Variants in NKAIN2 observed in about 807,000 individuals in gnomAD.
The protein encoded by NKAIN2 is sodium/potassium-transporting ATPase subunit beta-1-interacting protein 2.
Under a neutral mutation model 32.6 loss-of-function variants are expected in NKAIN2, and 14 were observed. The observed-to-expected ratio is 0.43, with a 90% confidence interval of 0.28 to 0.67. The LOEUF is 0.67. Ranked by LOEUF, NKAIN2 falls within the 30% of genes least tolerant of loss-of-function variation. The probability of loss-of-function intolerance (pLI) is 0.17; values close to 1 mark genes in which losing one functional copy is unlikely to be tolerated. For missense variants in NKAIN2, 198 were observed against 258.3 expected (o/e 0.77, Z 1.60); for synonymous variants, 80 against 87.2 (o/e 0.92, Z 0.46).
chr6:123,811,644 G>A (rs189878393), intron 1 of NKAIN2, among the ~76,000 whole-genome samples: 17 of 152,100 alleles, frequency 1.1e-4, no homozygotes, highest in Non-Finnish European at 2.1e-4. Flanking sequence ...CTATAGAATA[G>A]GAGTATCTAG....
At position 124,817,686 on chromosome 6, in the gene NKAIN2, T is replaced by C. The variant is rs111953092; in HGVS notation, c.536-701T>C. Among the ~76,000 whole-genome samples the C allele has an allele frequency of 1.9e-3, 287 of 152,312 alleles. 1 individual carries two copies. The highest frequency in any genetic ancestry group is 2.5e-3 in the Non-Finnish European group (167 of 68,018). ...GTATGGGAGGAAGGTCAAAGTCACA[T>C]TGTAAAAACATATAAAATAGGAGAT... On this transcript the variant is annotated intron_variant, in intron 5 of 6. Coordinates refer to ENST00000368417, the MANE Select transcript of NKAIN2 (RefSeq NM_001040214.3).
chr6:124,272,416 C>T (rs1794834736), intron 1 of NKAIN2, among the ~76,000 whole-genome samples: 1 of 152,194 alleles, frequency 6.6e-6, no homozygotes, highest in South Asian at 2.1e-4. Flanking sequence ...GCTTTGGTGG[C>T]TTCCACATGG....
Position 124,362,848 on chromosome 6 carries a change from T to A in NKAIN2, c.273+7501T>A, listed in dbSNP as rs186664531. ...GAAAAAGAATTTTATTATTATTATT[T>A]TTTTGAGATAGAGTCCCACTCTGTC... On this transcript the variant is annotated intron_variant, in intron 3 of 6. Transcript: ENST00000368417. Among the ~76,000 whole-genome samples the A allele has an allele frequency of 1.9e-3, 293 of 152,276 alleles. 1 individual carries two copies. Among genetic ancestry groups the A allele is most frequent in the African/African-American group, 6.6e-3 (276 of 41,568 alleles).
intron 3 of NKAIN2, among the ~76,000 whole-genome samples, chr6:124,631,404 G>T (rs1012472537): frequency 1.3e-5 from 2 of 152,078 alleles, no homozygotes; most frequent in Non-Finnish European, 2.9e-5. Context: ...ACATTTTCCT[G>T]TCTATTTAAG....
At position 124,416,761 on chromosome 6, in the gene NKAIN2, A is replaced by G. The variant is rs369830095; in HGVS notation, c.273+61414A>G. ...TCTCCTGCCCCTGTGTGAATAGGGG[A>G]ACATGGGGAGCAGTAATGGGGTACT... On this transcript the variant is annotated intron_variant, in intron 3 of 6. Coordinates refer to ENST00000368417, the MANE Select transcript of NKAIN2 (RefSeq NM_001040214.3). 1.4e-4 allele frequency among the ~76,000 whole-genome samples: 21 copies of G among 152,206 alleles called. No homozygotes were observed. The South Asian group carries it at 4.4e-3, about 32-fold the overall frequency.
At chr6:124,105,041 A>G (rs1246138178) in intron 1 of NKAIN2, among the ~76,000 whole-genome samples, 1 of 152,192 alleles carries the variant, frequency 6.6e-6, no homozygotes, top group African/African-American at 2.4e-5. Flanking sequence ...GTACTGTGAA[A>G]AAAGCAAGAT....
rs1416700840 is a variant in NKAIN2, at chr6:124,670,643, TTCTGTG to T, written c.474+12259_474+12264del. ...CATTTACCTGAGATTAATCTTTGCTTTCTGTGTGTGTGTGTGTGTGTGTGTGTGTGT... is the reference window on the plus strand; with the variant it reads ...CATTTACCTGAGATTAATCTTTGCTTTGTGTGTGTGTGTGTGTGTGTGTGT... On this transcript the variant is annotated intron_variant, in intron 4 of 6. Transcript: ENST00000368417. Among the ~76,000 whole-genome samples the T allele has an allele frequency of 1.1e-3, 112 of 102,210 alleles. No individual in the cohort carries two copies. The East Asian group carries it at 0.012, about 11-fold the overall frequency. The allele number at this position is 102,210 out of a possible 152,430, so 67.1% of individuals were successfully genotyped here.
intron 3 of NKAIN2, among the ~76,000 whole-genome samples, chr6:124,500,366 T>A (rs1778238265): frequency 6.6e-6 from 1 of 151,894 alleles, no homozygotes; most frequent in South Asian, 2.1e-4. Flanking sequence ...TGGGAAGATA[T>A]GGCCAGGTGC....
intron 1 of NKAIN2, among the ~76,000 whole-genome samples, chr6:123,852,563 T>G (rs947066635): frequency 6.6e-6 from 1 of 152,188 alleles, no homozygotes; most frequent in Non-Finnish European, 1.5e-5. Context: ...CAGTCCTGTG[T>G]TCATTGCAGC....
intron 1 of NKAIN2, among the ~76,000 whole-genome samples, chr6:124,131,766 G>A (rs1786490918): frequency 6.6e-6 from 1 of 152,176 alleles, no homozygotes; most frequent in Admixed American, 6.5e-5. Context: ...CCCTGACTAT[G>A]TCTCACAGGG....
chr6:124,528,306 C>T (rs1372191106), intron 3 of NKAIN2, among the ~76,000 whole-genome samples: 2 of 152,204 alleles, frequency 1.3e-5, no homozygotes, highest in Non-Finnish European at 1.5e-5. Flanking sequence ...AACTTCAGCA[C>T]TTTGTTTTGC....
At chr6:124,565,869 A>G (rs968971448) in intron 3 of NKAIN2, among the ~76,000 whole-genome samples, 1 of 152,204 alleles carries the variant, frequency 6.6e-6, no homozygotes, top group Non-Finnish European at 1.5e-5. Flanking sequence ...GTTTTAGCCA[A>G]TCTTGAATAC....
intron 1 of NKAIN2, chr6:124,121,942 G>T: frequency 8.4e-7 from 1 of 1,193,682 alleles, no homozygotes; most frequent in Non-Finnish European, 1.1e-6. Flanking sequence ...TATCTTAACC[G>T]TGAGTTTTTC....
intron 4 of NKAIN2, among the ~76,000 whole-genome samples, chr6:124,712,829 C>T (rs1345020562): frequency 6.6e-6 from 1 of 151,922 alleles, no homozygotes; most frequent in Non-Finnish European, 1.5e-5. Flanking sequence ...GGCTCCTCCC[C>T]CTAAACTCTA....
chr6:124,128,249 C>T (rs1311412536), intron 1 of NKAIN2, among the ~76,000 whole-genome samples: 1 of 152,146 alleles, frequency 6.6e-6, no homozygotes, highest in Admixed American at 6.5e-5. Context: ...AAATCTCATA[C>T]CTGCATTATG....
In NKAIN2 at chr6:124,000,693, A is replaced by G. The variant is rs375982455; in HGVS notation, c.54+196439A>G. Among the ~76,000 whole-genome samples, 296 of 152,178 alleles carry G rather than the reference A, an allele frequency of 1.9e-3. 1 individual carries two copies. Among genetic ancestry groups the G allele is most frequent in the African/African-American group, 7.0e-3 (292 of 41,536 alleles). ...CCTTTAAATGTAAGGGTAGCTAGAGAGCATGTTACTCTCACTAGGTAATGG... is the reference window on the plus strand; with the variant it reads ...CCTTTAAATGTAAGGGTAGCTAGAGGGCATGTTACTCTCACTAGGTAATGG... On this transcript the variant is annotated intron_variant, in intron 1 of 6. Transcript: ENST00000368417.
At chr6:124,095,124 T>C (rs1346912060) in intron 1 of NKAIN2, among the ~76,000 whole-genome samples, 1 of 152,198 alleles carries the variant, frequency 6.6e-6, no homozygotes, top group Non-Finnish European at 1.5e-5. Context: ...GAAAAACTGC[T>C]GACCTATATG....
At chr6:124,389,844 C>A (rs552997013) in intron 3 of NKAIN2, among the ~76,000 whole-genome samples, 1 of 151,990 alleles carries the variant, frequency 6.6e-6, no homozygotes, top group Non-Finnish European at 1.5e-5. Flanking sequence ...AATTGCTGAA[C>A]AATGCACCCA....
At chr6:124,066,553 T>C (rs1246147243) in intron 1 of NKAIN2, among the ~76,000 whole-genome samples, 1 of 152,186 alleles carries the variant, frequency 6.6e-6, no homozygotes, top group East Asian at 1.9e-4. Flanking sequence ...ATATGCACAT[T>C]AGAATTAGAA....
Sources: allele counts gnomAD v4.1 joint callset (sites outside exome capture counted in the v4.1 genomes callset), GRCh38; gene constraint gnomAD v4.1.1; transcripts MANE v1.5; gene names NCBI Gene and HGNC (gene_info 2026-07-23, HGNC 2026-07-21).